The following MIS12 variants were observed in gnomAD, a reference collection of about 807,000 sequenced individuals.
MIS12 encodes the protein protein MIS12 homolog.
In MIS12, 13 loss-of-function variants were observed where a neutral mutation model predicts 16.5. The ratio of observed to expected loss-of-function variants is 0.79; its 90% confidence interval spans 0.51 to 1.25. The LOEUF (loss-of-function observed/expected upper bound fraction) is 1.25, where lower values mean the gene tolerates loss of function less well. MIS12 is among the 50% of genes most tolerant of loss of function. MIS12 has a pLI of 0.00. For synonymous variants in MIS12, 97 were observed against 87.3 expected, an observed-to-expected ratio of 1.11 and a Z score of -0.62; for missense variants, 199 against 239.5, an observed-to-expected ratio of 0.83 and a Z score of 1.12.
In MIS12 at chr17:5,490,414, A is replaced by T. The variant is rs1407223883; in HGVS notation, c.*934A>T. 1 of 167,102 alleles carries T rather than the reference A, an allele frequency of 6.0e-6. No homozygotes were observed. Among genetic ancestry groups the T allele is most frequent in the African/African-American group, 2.4e-5 (1 of 41,464 alleles). The allele number at this position is 167,102 out of a possible 1,614,324, so 10.4% of individuals were successfully genotyped here. ...TTACTGACTGTTAGGTATCTATGCC[A>T]ATTTGTTTTCATACTTCAGTTGGTT... On this transcript the variant is annotated 3_prime_UTR_variant, in exon 3 of 3. Coordinates refer to ENST00000611091, the MANE Select transcript of MIS12 (RefSeq NM_001258217.2).
Position 5,489,990 on chromosome 17 carries a change from C to T in MIS12, c.*510C>T. The T allele has an allele frequency of 6.0e-6, 1 of 167,240 alleles. No individual in the cohort carries two copies. The allele number at this position is 167,240 out of a possible 1,614,324, so 10.4% of individuals were successfully genotyped here. A position where few individuals can be genotyped will look rare whatever the true frequency, so the allele number is the denominator to read the frequency against. ...GCTCAAGTGATCCTCCTGCCTCAGC[C>T]TCCCAAGTAGCTAGGACCACAGGTG... On this transcript the variant is annotated 3_prime_UTR_variant, in exon 3 of 3. Transcript: ENST00000611091.
rs942826142 is a variant in MIS12, at chr17:5,490,477, A to G, written c.*997A>G. ...TTATACCTAATATTTATTTATTCAC[A>G]CTCATAAGCATCAAATATTTAATGC... is the stretch of plus-strand genomic sequence containing the variant. On this transcript the variant is annotated 3_prime_UTR_variant, in exon 3 of 3. Transcript: ENST00000611091. 6.0e-6 allele frequency: 1 copy of G among 166,686 alleles called. No homozygotes were observed. The highest frequency in any genetic ancestry group is 1.5e-5 in the Non-Finnish European group (1 of 68,078). The allele number at this position is 166,686 out of a possible 1,614,324, so 10.3% of individuals were successfully genotyped here.
At position 5,488,185 on chromosome 17, in the gene MIS12, G is replaced by T. The variant is rs1177617155; in HGVS notation, c.-434-11G>T. 6.6e-6 allele frequency: 1 copy of T among 152,130 alleles called. No homozygotes were observed. Among genetic ancestry groups the T allele is most frequent in the Non-Finnish European group, 1.5e-5 (1 of 68,016 alleles). 9.4% of individuals were successfully genotyped at this position (152,130 alleles called of 1,614,324 possible). A position where few individuals can be genotyped will look rare whatever the true frequency, so the allele number is the denominator to read the frequency against. On this transcript the variant is annotated splice_polypyrimidine_tract_variant and intron_variant, in intron 1 of 2. Coordinates refer to ENST00000611091, the MANE Select transcript of MIS12 (RefSeq NM_001258217.2). ...AGGGACTTACTCATCTTCTAATTGG[G>T]TTTTTTTCAGATGGCTTGGCTGGAG...
rs1906629884 is a variant in MIS12 at position 5,489,551 on chromosome 17, G to A, written c.*71G>A. On this transcript the variant is annotated 3_prime_UTR_variant, in exon 3 of 3. Transcript: ENST00000611091. ...AAGGACTGTTCAAACCATAAGGACT[G>A]TTCAAATCATACCAGTGACTGTTCA... The A allele has an allele frequency of 2.1e-6, 3 of 1,457,374 alleles. No individual in the cohort carries two copies. The highest frequency in any genetic ancestry group is 2.4e-5 in the Admixed American group (1 of 42,092). 90.3% of individuals were successfully genotyped at this position (1,457,374 alleles called of 1,614,324 possible). A position where few individuals can be genotyped will look rare whatever the true frequency, so the allele number is the denominator to read the frequency against.
At chr17:5,488,780 A>ATT in intron 2 of MIS12, 43 bp from the exon 3 acceptor site, 7 of 1,375,956 alleles carry the variant, frequency 5.1e-6, no homozygotes, top group Non-Finnish European at 6.9e-6. Context: ...CCTGCAGAAG[A>ATT]TTTTTTTTTT....
upstream of MIS12, chr17:5,486,397 C>A: frequency 2.1e-6 from 1 of 479,246 alleles, no homozygotes; most frequent in Non-Finnish European, 3.8e-6. Flanking sequence ...CTCTTCTCCA[C>A]CAGCCAACGT....
At position 5,490,382 on chromosome 17, in the gene MIS12, T is replaced by A. The variant is rs1597379971; in HGVS notation, c.*902T>A. Reference sequence around the variant, plus strand: ...ATGTAGCATATACTCAGTAGTGAAATTTAATTTTACTGACTGTTAGGTATC... The same window carrying A: ...ATGTAGCATATACTCAGTAGTGAAAATTAATTTTACTGACTGTTAGGTATC... On this transcript the variant is annotated 3_prime_UTR_variant, in exon 3 of 3. Coordinates refer to ENST00000611091, the MANE Select transcript of MIS12 (RefSeq NM_001258217.2). 1.2e-5 allele frequency: 2 copies of A among 167,200 alleles called. No homozygotes were observed. The highest frequency in any genetic ancestry group is 1.3e-4 in the Admixed American group (2 of 15,298). 10.4% of individuals were successfully genotyped at this position (167,200 alleles called of 1,614,324 possible). A position where few individuals can be genotyped will look rare whatever the true frequency, so the allele number is the denominator to read the frequency against.
chr17:5,490,224 A>T lies in MIS12; in HGVS notation c.*744A>T, dbSNP rs1305551459. ...AAAAGACAACCTTGATCTTTAATAA[A>T]AAAGAAGTTGGTTTATTTCCAAAAT... On this transcript the variant is annotated 3_prime_UTR_variant, in exon 3 of 3. Transcript: ENST00000611091. The T allele has an allele frequency of 6.0e-6, 1 of 167,122 alleles. No individual in the cohort carries two copies. The highest frequency in any genetic ancestry group is 2.4e-5 in the African/African-American group (1 of 41,470). 10.4% of individuals were successfully genotyped at this position (167,122 alleles called of 1,614,324 possible). A position where few individuals can be genotyped will look rare whatever the true frequency, so the allele number is the denominator to read the frequency against.
In MIS12 at chr17:5,490,207, A is replaced by G. The variant is rs1271100640; in HGVS notation, c.*727A>G. 6.0e-6 allele frequency: 1 copy of G among 167,076 alleles called. No individual in the cohort carries two copies. Among genetic ancestry groups the G allele is most frequent in the African/African-American group, 2.4e-5 (1 of 41,444 alleles). The allele number at this position is 167,076 out of a possible 1,614,324, so 10.3% of individuals were successfully genotyped here. A position where few individuals can be genotyped will look rare whatever the true frequency, so the allele number is the denominator to read the frequency against. ...AAAGAAGCATGTAGCAAAAAAGACA[A>G]CCTTGATCTTTAATAAAAAAGAAGT... On this transcript the variant is annotated 3_prime_UTR_variant, in exon 3 of 3. Transcript: ENST00000611091.
chr17:5,487,455 A>T (rs1906438473), intron 1 of MIS12: 1 of 152,298 alleles, frequency 6.6e-6, no homozygotes, highest in African/African-American at 2.4e-5. Context: ...AAAGAAAAAC[A>T]GAAAGAAATC....
At position 5,490,425 on chromosome 17, in the gene MIS12, ATAC is replaced by A. The variant is rs1481692722; in HGVS notation, c.*947_*949del. 1 of 166,958 alleles carries A rather than the reference ATAC, an allele frequency of 6.0e-6. No individual in the cohort carries two copies. The highest frequency in any genetic ancestry group is 1.5e-5 in the Non-Finnish European group (1 of 68,122). 10.3% of individuals were successfully genotyped at this position (166,958 alleles called of 1,614,324 possible). Reference sequence around the variant, plus strand: ...TAGGTATCTATGCCAATTTGTTTTCATACTTCAGTTGGTTTTGGAATCTGCCTT... The same window carrying A: ...TAGGTATCTATGCCAATTTGTTTTCATTCAGTTGGTTTTGGAATCTGCCTT... On this transcript the variant is annotated 3_prime_UTR_variant, in exon 3 of 3. Coordinates refer to ENST00000611091, the MANE Select transcript of MIS12 (RefSeq NM_001258217.2).
At position 5,489,051 on chromosome 17, in the gene MIS12, C is replaced by T. The variant is rs748022534; in HGVS notation, c.189C>T (p.Cys63=). ...TTAGCCCAGTGCAGATTCGCAAATG[C>T]ACAGAGAAGTTTCTTTGCTTCATGA... The part of the protein sequence containing the change: ...CDISPVQIRK[C]TEKFLCFMKG... The change falls in exon 3 of 3, where the codon TGC becomes TGT. Residue 63 remains cysteine, a synonymous_variant. Coordinates refer to ENST00000611091, the MANE Select transcript of MIS12 (RefSeq NM_001258217.2). 3 of 1,614,234 alleles carry T rather than the reference C, an allele frequency of 1.9e-6. No homozygotes were observed. Among genetic ancestry groups the T allele is most frequent in the Non-Finnish European group, 2.5e-6 (3 of 1,180,036 alleles).
chr17:5,488,924 T>C lies in MIS12; in HGVS notation c.62T>C (p.Met21Thr), dbSNP rs1906571610. 2.5e-6 allele frequency: 4 copies of C among 1,614,224 alleles called. No homozygotes were observed. In the African/African-American group the frequency reaches 4.0e-5, roughly 16 times the overall value. ...TTTGGCTTCACGCCACAAACGTGCA[T>C]GCTTCGGATCTACATTGCATTTCAA... ...QFFGFTPQTC[M>T]LRIYIAFQDY... Residue 21 changes from methionine (M) to threonine (T), a missense_variant, in exon 3 of 3, where the codon ATG (methionine) becomes ACG (threonine). Coordinates refer to ENST00000611091, the MANE Select transcript of MIS12 (RefSeq NM_001258217.2).
At chr17:5,488,749 CTG>C (rs1906552335) in intron 2 of MIS12, 72 bp from the exon 3 acceptor site, 2 of 1,162,936 alleles carry the variant, frequency 1.7e-6, no homozygotes, top group Non-Finnish European at 2.4e-6. Context: ...TGTTTGCTAT[CTG>C]TAATGTGATT....
At position 5,489,536 on chromosome 17, in the gene MIS12, C is replaced by A; in HGVS notation, c.*56C>A. 6.6e-7 allele frequency: 1 copy of A among 1,517,246 alleles called. No individual in the cohort carries two copies. Among genetic ancestry groups the A allele is most frequent in the South Asian group, 1.4e-5 (1 of 73,978 alleles). 94.0% of individuals were successfully genotyped at this position (1,517,246 alleles called of 1,614,324 possible). ...AAAAAGTAGAATCATAAGGACTGTT[C>A]AAACCATAAGGACTGTTCAAATCAT... On this transcript the variant is annotated 3_prime_UTR_variant, in exon 3 of 3. Transcript: ENST00000611091.
In MIS12 at chr17:5,489,872, T is replaced by C. The variant is rs1235128623; in HGVS notation, c.*392T>C. ...ACGGGTGGCTCCTTTAATATTATTA[T>C]TATTGTTTTTGAGACAAGGTCCCTT... On this transcript the variant is annotated 3_prime_UTR_variant, in exon 3 of 3. Transcript: ENST00000611091. The C allele has an allele frequency of 1.8e-5, 3 of 170,264 alleles. No homozygotes were observed. The highest frequency in any genetic ancestry group is 6.5e-5 in the Admixed American group (1 of 15,424). 10.5% of individuals were successfully genotyped at this position (170,264 alleles called of 1,614,324 possible).
chr17:5,489,429 G>T lies in MIS12; in HGVS notation c.567G>T (p.Gln189His), dbSNP rs750115812. Reference protein sequence around the residue: ...VSLVQNSRKLQNIRDNVEKES... With the variant: ...VSLVQNSRKLHNIRDNVEKES... The stretch of plus-strand genomic sequence containing the variant: ...TGGTTCAGAACTCCAGAAAACTACA[G>T]AACATTAGAGACAATGTGGAAAAGG... Residue 189 changes from glutamine (Q) to histidine (H), a missense_variant, in exon 3 of 3, where the codon CAG (glutamine) becomes CAT (histidine). By Grantham distance (24) the Gln-to-His change is conservative. Coordinates refer to ENST00000611091, the MANE Select transcript of MIS12 (RefSeq NM_001258217.2). 1.2e-6 allele frequency: 2 copies of T among 1,602,200 alleles called. No individual in the cohort carries two copies. The highest frequency in any genetic ancestry group is 1.8e-5 in the Admixed American group (1 of 56,302).
intron 1 of MIS12, chr17:5,487,840 A>G (rs1242078755): frequency 6.6e-6 from 1 of 152,206 alleles, no homozygotes; most frequent in Non-Finnish European, 1.5e-5. Context: ...CTACAAACAT[A>G]AATTCTTAAG....
Position 5,489,418 on chromosome 17 carries a change from A to G in MIS12, c.556A>G (p.Arg186Gly). The G allele has an allele frequency of 6.2e-7, 1 of 1,611,138 alleles. No individual in the cohort carries two copies. The change falls in exon 3 of 3, where the codon AGA becomes GGA. Residue 186 changes from arginine to glycine, a missense_variant. Physicochemically the swap from Arg to Gly is moderately radical, Grantham distance 125. Transcript: ENST00000611091. ...TTTAGTATCCCTGGTTCAGAACTCC[A>G]GAAAACTACAGAACATTAGAGACAA... ...ESLVSLVQNS[R>G]KLQNIRDNVE...
Sources: gnomAD v4.1 joint callset for allele counts on GRCh38, gnomAD v4.1.1 for gene constraint, MANE v1.5 for transcripts, NCBI Gene and HGNC (gene_info 2026-07-23, HGNC 2026-07-21) for gene names.